HIVEP2: variants seen among roughly 807,000 people sequenced by gnomAD.
HIVEP2 encodes the protein transcription factor HIVEP2.
In HIVEP2, 14 loss-of-function variants were observed where a neutral mutation model predicts 180.7. That is an observed-to-expected ratio of 0.08 (90% CI 0.05 to 0.12). The LOEUF (loss-of-function observed/expected upper bound fraction) is 0.12, where lower values mean the gene tolerates loss of function less well. HIVEP2 is among the 10% of genes least tolerant of loss of function. The pLI, the probability that HIVEP2 is intolerant of heterozygous loss-of-function variation, is 1.00. For synonymous variants in HIVEP2, 1,184 were observed against 1,136.4 expected (o/e 1.04, Z -0.84); for missense variants, 2,579 against 3,008.5 (o/e 0.86, Z 3.34).
At chr6:142,889,172 C>T (rs1776789884) in intron 1 of HIVEP2, among the ~76,000 whole-genome samples, 3 of 152,168 alleles carry the variant, frequency 2.0e-5, no homozygotes, top group African/African-American at 7.2e-5. Context: ...ACTGCATTGA[C>T]ATTTTAAACT....
At chr6:142,807,107 G>C (rs922277683) in intron 2 of HIVEP2, among the ~76,000 whole-genome samples, 3 of 152,108 alleles carry the variant, frequency 2.0e-5, no homozygotes, top group African/African-American at 7.2e-5. Context: ...AGAGTAGAGG[G>C]GATGGCAACC....
intron 2 of HIVEP2, among the ~76,000 whole-genome samples, chr6:142,787,656 A>G (rs1228013832): frequency 6.6e-6 from 1 of 152,030 alleles, no homozygotes; most frequent in Non-Finnish European, 1.5e-5. Flanking sequence ...GCGAAGGACT[A>G]GAGAAGGCAG....
chr6:142,923,317 C>A (rs1160992787), intron 1 of HIVEP2, among the ~76,000 whole-genome samples: 4 of 148,720 alleles, frequency 2.7e-5, no homozygotes, highest in Non-Finnish European at 5.9e-5. Context: ...GGCAACAGAG[C>A]AAGACTCCGT....
intron 1 of HIVEP2, among the ~76,000 whole-genome samples, chr6:142,882,232 C>T (rs1776589383): frequency 2.0e-5 from 3 of 152,196 alleles, no homozygotes; most frequent in Non-Finnish European, 4.4e-5. Context: ...AAGTATGAAA[C>T]ATTTTAAAAC....
intron 4 of HIVEP2, among the ~76,000 whole-genome samples, chr6:142,775,475 A>C (rs918155379): frequency 3.9e-5 from 6 of 152,160 alleles, no homozygotes; most frequent in African/African-American, 1.4e-4. Flanking sequence ...TTCCTAACCA[A>C]GTTTTATGAC....
intron 1 of HIVEP2, among the ~76,000 whole-genome samples, chr6:142,856,918 C>T (rs886717855): frequency 6.6e-6 from 1 of 152,156 alleles, no homozygotes; most frequent in African/African-American, 2.4e-5. Context: ...AGGTACAATG[C>T]AGATAAAGGG....
intron 1 of HIVEP2, among the ~76,000 whole-genome samples, chr6:142,892,278 C>T (rs1451850705): frequency 6.6e-6 from 1 of 152,112 alleles, no homozygotes; most frequent in Non-Finnish European, 1.5e-5. Flanking sequence ...ACATTTCCAC[C>T]ATAAAGAAGG....
intron 1 of HIVEP2, among the ~76,000 whole-genome samples, chr6:142,944,626 C>T (rs992961494): frequency 6.6e-6 from 1 of 152,208 alleles, no homozygotes; most frequent in Admixed American, 6.5e-5. Flanking sequence ...AACCCCCTTC[C>T]TGTGGCTGCA....
At chr6:142,787,247 AAAAT>A (rs3057576) in intron 2 of HIVEP2, among the ~76,000 whole-genome samples, 78,747 of 150,550 alleles carry the variant, frequency 0.52, 21,457 homozygotes, top group Non-Finnish European at 0.6. Flanking sequence ...CCCCGTCTCA[AAAAT>A]AAATAAATAA....
chr6:142,773,209 T>C lies in HIVEP2; in HGVS notation c.1530A>G (p.Ser510=), dbSNP rs756736171. 3.9e-5 allele frequency: 63 copies of C among 1,614,238 alleles called. No homozygotes were observed. The Middle Eastern group carries it at 4.0e-3, about 101-fold the overall frequency. ...SESRQPQIIP[S]SIRNEGKLYP... is the part of the protein sequence containing the mutation. ...AAAGTTTTCCTTCGTTCCTGATAGA[T>C]GATGGAATAATCTGGGGTTGTCTGG... Residue 510 remains serine (S), a synonymous_variant, in exon 5 of 10, where the codon TCA becomes TCG. Coordinates refer to ENST00000367603, the MANE Select transcript of HIVEP2 (RefSeq NM_006734.4).
chr6:142,769,629 T>C lies in HIVEP2; in HGVS notation c.5110A>G (p.Ile1704Val). 2 of 1,614,192 alleles carry C rather than the reference T, an allele frequency of 1.2e-6. No homozygotes were observed. The highest frequency in any genetic ancestry group is 8.5e-7 in the Non-Finnish European group (1 of 1,180,028). ...LRSKQKITAE[I>V]YTLAAMHRPG... is the part of the protein sequence containing the mutation. ...CTATGCATAGCAGCCAGAGTATAAA[T>C]TTCTGCAGTGATTTTTTGCTTGGAC... The change falls in exon 5 of 10, where the codon ATT (isoleucine) becomes GTT (valine). Residue 1704 changes from isoleucine (I) to valine (V), a missense_variant. Physicochemically the swap from Ile to Val is conservative, Grantham distance 29. Coordinates refer to ENST00000367603, the MANE Select transcript of HIVEP2 (RefSeq NM_006734.4).
rs1309767526 is a variant in HIVEP2 at position 142,772,571 on chromosome 6, A to G, written c.2168T>C (p.Ile723Thr). The change falls in exon 5 of 10, where the codon ATC becomes ACC. Residue 723 changes from isoleucine to threonine, a missense_variant. Ile to Thr is a moderately conservative substitution (Grantham distance 89, BLOSUM62 -1). Transcript: ENST00000367603. This position sits in a 1 kb window ranked among gnomAD's most constrained non-coding sequence, Gnocchi z 4.9. ...TTTGGGGTCATAATCGGAAGCCATG[A>G]TGCCCACAGGAGTGCTTACAATGCT... ...CSSIVSTPVG[I>T]MASDYDPKLQ... The G allele has an allele frequency of 6.2e-7, 1 of 1,614,184 alleles. No individual in the cohort carries two copies. Among genetic ancestry groups the G allele is most frequent in the South Asian group, 1.1e-5 (1 of 91,082 alleles).
At chr6:142,819,214 G>A (rs1582887701) in intron 2 of HIVEP2, among the ~76,000 whole-genome samples, 1 of 152,250 alleles carries the variant, frequency 6.6e-6, no homozygotes, top group East Asian at 1.9e-4. Flanking sequence ...AACAGAGTGA[G>A]ACCCTGTCTC....
At position 142,803,749 on chromosome 6, in the gene HIVEP2, T is replaced by C. The variant is rs547485190; in HGVS notation, c.-527-20134A>G. Among the ~76,000 whole-genome samples, 10 of 152,212 alleles carry C rather than the reference T, an allele frequency of 6.6e-5. No individual in the cohort carries two copies. The South Asian group carries it at 2.1e-3, about 32-fold the overall frequency. The stretch of plus-strand genomic sequence containing the variant: ...CAGGAGAGAGAACAATGAAGAATGA[T>C]TCCTCCTTTCCTATAATCAAGGGCC... On this transcript the variant is annotated intron_variant, in intron 2 of 9. Coordinates refer to ENST00000367603, the MANE Select transcript of HIVEP2 (RefSeq NM_006734.4).
Position 142,771,432 on chromosome 6 carries a change from C to T in HIVEP2, c.3307G>A (p.Val1103Met), listed in dbSNP as rs768763368. Reference protein sequence around the residue: ...SQGEVGMDQSVKQEQLEHLHA... With the variant: ...SQGEVGMDQSMKQEQLEHLHA... ...AGGTGCTCCAGCTGCTCTTGCTTCACGCTCTGATCCATGCCAACCTCGCCC... is the reference window on the plus strand; with the variant it reads ...AGGTGCTCCAGCTGCTCTTGCTTCATGCTCTGATCCATGCCAACCTCGCCC... Residue 1103 changes from valine (V) to methionine (M), a missense_variant, in exon 5 of 10, where the codon GTG becomes ATG. By Grantham distance (21) the Val-to-Met change is conservative. Coordinates refer to ENST00000367603, the MANE Select transcript of HIVEP2 (RefSeq NM_006734.4). This position sits in a 1 kb window ranked among gnomAD's most constrained non-coding sequence, Gnocchi z 5.4. 2.1e-5 allele frequency: 34 copies of T among 1,613,598 alleles called. No homozygotes were observed. Among genetic ancestry groups the T allele is most frequent in the Middle Eastern group, 1.6e-4 (1 of 6,062 alleles).
intron 5 of HIVEP2, 55 bp from the exon 6 acceptor site, chr6:142,768,591 C>G (rs1775434300): frequency 2.0e-6 from 3 of 1,529,174 alleles, no homozygotes; most frequent in Middle Eastern, 1.7e-4. Context: ...ACACAGGAGC[C>G]CCTATGTCCC....
intron 2 of HIVEP2, among the ~76,000 whole-genome samples, chr6:142,800,554 T>C (rs1703085232): frequency 6.6e-6 from 1 of 152,116 alleles, no homozygotes; most frequent in South Asian, 2.1e-4. Flanking sequence ...CTGCTTAGAG[T>C]GATAAGTATC....
At chr6:142,810,625 G>A in intron 2 of HIVEP2, among the ~76,000 whole-genome samples, 1 of 151,994 alleles carries the variant, frequency 6.6e-6, no homozygotes, top group Non-Finnish European at 1.5e-5. Context: ...AGCCGGGCAT[G>A]GTGGTGCATA....
chr6:142,934,572 A>G (rs928479590), intron 1 of HIVEP2, among the ~76,000 whole-genome samples: 6 of 152,236 alleles, frequency 3.9e-5, no homozygotes, highest in Admixed American at 3.9e-4. Flanking sequence ...AATAAATTGA[A>G]TGTTTATAAC....
Sources: gnomAD v4.1 joint callset for allele counts (sites outside exome capture counted in the v4.1 genomes callset) on GRCh38, gnomAD v4.1.1 for gene constraint, Gnocchi (gnomAD v3.1) non-coding constraint, MANE v1.5 for transcripts, NCBI Gene and HGNC (gene_info 2026-07-23, HGNC 2026-07-21) for gene names.